Variants in GALNTL6 observed in about 807,000 individuals in gnomAD.
GALNTL6 encodes polypeptide N-acetylgalactosaminyltransferase-like 6.
GALNTL6 carries 46 observed loss-of-function variants against 73.7 expected under a neutral mutation model. That is an observed-to-expected ratio of 0.62 (90% CI 0.49 to 0.80). The LOEUF (loss-of-function observed/expected upper bound fraction) is 0.80. Ranked by LOEUF, GALNTL6 falls within the 30% of genes least tolerant of loss-of-function variation. GALNTL6 has a pLI of 0.00. For synonymous variants in GALNTL6, 259 were observed against 263.7 expected (o/e 0.98, Z 0.17); for missense variants, 604 against 755.0 (o/e 0.80, Z 2.34).
At chr4:172,083,118 G>A (rs1004428505) in intron 2 of GALNTL6, among the ~76,000 whole-genome samples, 4 of 152,122 alleles carry the variant, frequency 2.6e-5, no homozygotes, top group African/African-American at 9.7e-5. Context: ...CACTTTGTGA[G>A]TAAATCCTGT....
chr4:172,917,213 T>C (rs1310176364), intron 8 of GALNTL6, among the ~76,000 whole-genome samples: 1 of 152,152 alleles, frequency 6.6e-6, no homozygotes, highest in Non-Finnish European at 1.5e-5. Flanking sequence ...AGCTGAAACT[T>C]GATCCTTTCC....
chr4:172,252,806 T>C (rs1425336640), intron 3 of GALNTL6, among the ~76,000 whole-genome samples: 2 of 151,980 alleles, frequency 1.3e-5, no homozygotes, highest in East Asian at 3.9e-4. Flanking sequence ...GAGGAAGTCC[T>C]TGGTACCTTA....
intron 5 of GALNTL6, among the ~76,000 whole-genome samples, chr4:172,744,834 C>T (rs61557958): frequency 1.1e-4 from 9 of 84,690 alleles, no homozygotes; most frequent in South Asian, 1.2e-3. Flanking sequence ...TTTAAGAGTG[C>T]GCGTGCGTGT....
intron 3 of GALNTL6, among the ~76,000 whole-genome samples, chr4:172,302,962 A>T (rs1739993864): frequency 6.6e-6 from 1 of 152,046 alleles, no homozygotes; most frequent in African/African-American, 2.4e-5. Flanking sequence ...GTTAGGTTTT[A>T]TATTAGACAT....
intron 5 of GALNTL6, among the ~76,000 whole-genome samples, chr4:172,795,433 G>A (rs932090275): frequency 5.3e-5 from 8 of 152,162 alleles, no homozygotes; most frequent in Admixed American, 2.0e-4. Flanking sequence ...TTTCAAAAAA[G>A]AACCGAATTG....
chr4:172,404,222 C>T (rs1385935384), intron 5 of GALNTL6, among the ~76,000 whole-genome samples: 1 of 151,876 alleles, frequency 6.6e-6, no homozygotes, highest in Non-Finnish European at 1.5e-5. Context: ...TTTTTATTTG[C>T]CACATCAGGC....
At chr4:172,097,364 A>C (rs1259396717) in intron 2 of GALNTL6, among the ~76,000 whole-genome samples, 1 of 152,118 alleles carries the variant, frequency 6.6e-6, no homozygotes, top group Non-Finnish European at 1.5e-5. Flanking sequence ...ACAGGATGCA[A>C]CCAGAAATCC....
At chr4:172,496,557 C>T (rs991194587) in intron 5 of GALNTL6, among the ~76,000 whole-genome samples, 1 of 151,976 alleles carries the variant, frequency 6.6e-6, no homozygotes, top group Non-Finnish European at 1.5e-5. Context: ...TAGGCAAACA[C>T]CTGTAGTTCC....
At chr4:172,845,785 AT>A (rs534978014) in intron 7 of GALNTL6, among the ~76,000 whole-genome samples, 26 of 152,114 alleles carry the variant, frequency 1.7e-4, no homozygotes, top group South Asian at 1.5e-3. Flanking sequence ...CAGCAAAGGG[AT>A]TTTTTTTATG....
intron 2 of GALNTL6, among the ~76,000 whole-genome samples, chr4:172,184,097 A>G (rs1180660008): frequency 6.6e-6 from 1 of 152,046 alleles, no homozygotes; most frequent in Non-Finnish European, 1.5e-5. Context: ...GCCGCAGACT[A>G]TTTTTTAATG....
intron 2 of GALNTL6, among the ~76,000 whole-genome samples, chr4:171,977,826 C>T (rs1395294901): frequency 2.0e-5 from 3 of 152,112 alleles, no homozygotes; most frequent in Admixed American, 2.0e-4. Context: ...TGAATAATTG[C>T]TCTTACGATG....
chr4:171,953,216 G>T (rs72696984), intron 2 of GALNTL6, among the ~76,000 whole-genome samples: 3 of 142,408 alleles, frequency 2.1e-5, no homozygotes, highest in Non-Finnish European at 3.0e-5. Context: ...AATGGTGTGC[G>T]CATGCGCACG....
chr4:172,282,269 A>G (rs1241809927), intron 3 of GALNTL6, among the ~76,000 whole-genome samples: 2 of 152,200 alleles, frequency 1.3e-5, no homozygotes, highest in African/African-American at 2.4e-5. Flanking sequence ...CCACGTACGT[A>G]TGAACATTGC....
chr4:172,401,901 A>AAG (rs139098045), intron 5 of GALNTL6, among the ~76,000 whole-genome samples: 10 of 127,102 alleles, frequency 7.9e-5, no homozygotes, highest in Admixed American at 1.7e-4. Context: ...CTGGAGGAGG[A>AAG]AGAGAGAGAG....
intron 5 of GALNTL6, among the ~76,000 whole-genome samples, chr4:172,697,599 A>G (rs1294077904): frequency 6.6e-6 from 1 of 152,218 alleles, no homozygotes; most frequent in Non-Finnish European, 1.5e-5. Flanking sequence ...ACAAAAGAAA[A>G]TAATGTTCAC....
intron 2 of GALNTL6, among the ~76,000 whole-genome samples, chr4:172,226,587 GTC>G (rs1736875390): frequency 5.0e-5 from 2 of 40,012 alleles, no homozygotes; most frequent in South Asian, 1.0e-3. Context: ...GTGTCTGTGT[GTC>G]TGTGTGTGTG....
At chr4:172,821,539 C>A (rs1484120435) in intron 7 of GALNTL6, among the ~76,000 whole-genome samples, 1 of 152,136 alleles carries the variant, frequency 6.6e-6, no homozygotes, top group African/African-American at 2.4e-5. Flanking sequence ...ATCATTAGAC[C>A]AAACTAGAGC....
At chr4:171,985,201 A>G (rs972473821) in intron 2 of GALNTL6, among the ~76,000 whole-genome samples, 1 of 151,942 alleles carries the variant, frequency 6.6e-6, no homozygotes, top group African/African-American at 2.4e-5. Context: ...GGTATTTTAT[A>G]AAGAAAAAAA....
At position 171,818,590 on chromosome 4, in the gene GALNTL6, A is replaced by AT. The variant is rs1433365083; in HGVS notation, c.138+3872_138+3873insT. Among the ~76,000 whole-genome samples the AT allele has an allele frequency of 1.3e-4, 20 of 150,350 alleles. 1 individual carries two copies. Among genetic ancestry groups the AT allele is most frequent in the Admixed American group, 1.1e-3 (16 of 15,084 alleles). ...TCTACCACATTAAAAAAAAAAAAAA[A>AT]GCCTAGGTCCTCTATGTCTCTTTGA... On this transcript the variant is annotated intron_variant, in intron 2 of 12. Transcript: ENST00000506823.
Sources: gnomAD v4.1 joint callset for allele counts (sites outside exome capture counted in the v4.1 genomes callset) on GRCh38, gnomAD v4.1.1 for gene constraint, MANE v1.5 for transcripts, NCBI Gene and HGNC (gene_info 2026-07-23, HGNC 2026-07-21) for gene names.